ANK3: variants seen among roughly 807,000 people sequenced by gnomAD.
The protein encoded by ANK3 is ankyrin 3, also known as ankyrin-3.
ANK3 carries 57 observed loss-of-function variants against 370.9 expected under a neutral mutation model. The observed-to-expected ratio is 0.15, with a 90% CI of 0.12 to 0.19. The LOEUF (loss-of-function observed/expected upper bound fraction) is 0.19, where lower values mean the gene tolerates loss of function less well. ANK3 is among the 10% of genes least tolerant of loss of function. ANK3 has a pLI of 1.00. For missense variants in ANK3, 4,439 were observed against 5,302.1 expected (o/e 0.84, Z 5.06); for synonymous variants, 1,929 against 1,946.3 (o/e 0.99, Z 0.23).
At chr10:60,100,096 A>G (rs1345742456) in intron 28 of ANK3, among the ~76,000 whole-genome samples, 1 of 152,190 alleles carries the variant, frequency 6.6e-6, no homozygotes, top group Non-Finnish European at 1.5e-5. Context: ...TTTCATTTCT[A>G]AACTAGAATT....
chr10:60,104,357 C>CAAAAAA lies in ANK3; in HGVS notation c.3328+1542_3328+1547dup, dbSNP rs747064489. Among the ~76,000 whole-genome samples, 36 of 53,738 alleles carry CAAAAAA rather than the reference C, an allele frequency of 6.7e-4. 1 individual carries two copies. Among genetic ancestry groups the CAAAAAA allele is most frequent in the Non-Finnish European group, 9.9e-4 (29 of 29,424 alleles). The allele number at this position is 53,738 out of a possible 152,430, so 35.3% of individuals were successfully genotyped here. A position where few individuals can be genotyped will look rare whatever the true frequency, so the allele number is the denominator to read the frequency against. ...TGGGTGACAGAGTGAGACTCCATCTCAAAAAAAAAAAAAAAAAAAAAAAAA... is the reference window on the plus strand; with the variant it reads ...TGGGTGACAGAGTGAGACTCCATCTCAAAAAAAAAAAAAAAAAAAAAAAAAAAAAAA... On this transcript the variant is annotated intron_variant, in intron 28 of 43. Transcript: ENST00000280772.
rs2089296404 is a variant in ANK3 at position 60,093,615 on chromosome 10, C to G, written c.3329-5257G>C. On this transcript the variant is annotated intron_variant, in intron 28 of 43. Transcript: ENST00000280772. ...GAGGATTAAAAGTAGAAAGAAACAG[C>G]TATAACACCCCCGAAAACGATGACA... 5.9e-5 allele frequency among the ~76,000 whole-genome samples: 9 copies of G among 152,276 alleles called. No individual in the cohort carries two copies. The South Asian group carries it at 1.9e-3, about 32-fold the overall frequency.
At chr10:60,063,057 C>T (rs2080916530) in intron 40 of ANK3, 54 bp downstream of exon 40, 4 of 1,546,292 alleles carry the variant, frequency 2.6e-6, no homozygotes, top group Non-Finnish European at 3.5e-6. Flanking sequence ...TGTCTGACTG[C>T]ACTTTCAAAT....
At chr10:60,485,938 G>C (rs1359992541) in intron 2 of ANK3, among the ~76,000 whole-genome samples, 1 of 152,056 alleles carries the variant, frequency 6.6e-6, no homozygotes, top group African/African-American at 2.4e-5. Context: ...ATAGAAAGAT[G>C]ATGAATGAAT....
At chr10:60,246,368 T>C (rs373085790) in intron 7 of ANK3, among the ~76,000 whole-genome samples, 1 of 152,100 alleles carries the variant, frequency 6.6e-6, no homozygotes, top group East Asian at 1.9e-4. Context: ...ATAGGTCTTT[T>C]TAGACAAAGT....
At chr10:60,284,535 C>T (rs894711532) in intron 1 of ANK3, among the ~76,000 whole-genome samples, 1 of 152,172 alleles carries the variant, frequency 6.6e-6, no homozygotes, top group Non-Finnish European at 1.5e-5. Flanking sequence ...GGGCTTAATA[C>T]ATGTTTGGTC....
At chr10:60,598,080 A>G (rs1361978096) in intron 2 of ANK3, among the ~76,000 whole-genome samples, 1 of 152,224 alleles carries the variant, frequency 6.6e-6, no homozygotes, top group African/African-American at 2.4e-5. Context: ...AGGTTGTGAT[A>G]GAGAAATCCA....
chr10:60,497,079 G>T (rs2075677154), intron 2 of ANK3, among the ~76,000 whole-genome samples: 1 of 152,102 alleles, frequency 6.6e-6, no homozygotes, highest in South Asian at 2.1e-4. Flanking sequence ...AGATAGGAGG[G>T]TCACTTGAGC....
At chr10:60,230,008 T>C (rs1035088808) in intron 8 of ANK3, among the ~76,000 whole-genome samples, 1 of 152,172 alleles carries the variant, frequency 6.6e-6, no homozygotes, top group Non-Finnish European at 1.5e-5. Flanking sequence ...ATTCTGGCAA[T>C]GAGAGTATTG....
intron 2 of ANK3, among the ~76,000 whole-genome samples, chr10:60,410,424 GT>G (rs2063535884): frequency 6.6e-6 from 1 of 152,204 alleles, no homozygotes; most frequent in Admixed American, 6.5e-5. Context: ...AGCTTAGAGT[GT>G]TTGATACTTA....
In ANK3 at chr10:60,105,558, T is replaced by A. The variant is rs76923937; in HGVS notation, c.3328+347A>T. Among the ~76,000 whole-genome samples, 45 of 152,320 alleles carry A rather than the reference T, an allele frequency of 3.0e-4. No individual in the cohort carries two copies. In the East Asian group the frequency reaches 8.3e-3, roughly 28 times the overall value. On this transcript the variant is annotated intron_variant, in intron 28 of 43. Coordinates refer to ENST00000280772, the MANE Select transcript of ANK3 (RefSeq NM_020987.5). ...ATTCCAAAAATAAAATGTGAACATA[T>A]TTTCTTCAAAATGCTCAGCATGCCT...
chr10:60,690,786 C>T (rs2079341200), intron 1 of ANK3, among the ~76,000 whole-genome samples: 1 of 152,186 alleles, frequency 6.6e-6, no homozygotes, highest in Non-Finnish European at 1.5e-5. Flanking sequence ...GCTACGCACT[C>T]AGAAGTCTTC....
intron 25 of ANK3, among the ~76,000 whole-genome samples, chr10:60,118,461 A>C (rs1207140831): frequency 6.6e-6 from 1 of 152,184 alleles, no homozygotes; most frequent in East Asian, 1.9e-4. Flanking sequence ...GAATCTACGG[A>C]ACCAAGATTC....
chr10:60,182,868 G>A (rs2096236139), intron 17 of ANK3, among the ~76,000 whole-genome samples: 1 of 152,186 alleles, frequency 6.6e-6, no homozygotes, highest in Admixed American at 6.5e-5. Flanking sequence ...ATAAGCCAGA[G>A]CCAAAATTGG....
chr10:60,501,526 G>A (rs964847204), intron 2 of ANK3, among the ~76,000 whole-genome samples: 3 of 151,992 alleles, frequency 2.0e-5, no homozygotes, highest in African/African-American at 7.2e-5. Context: ...CCATGATGGA[G>A]AAACCCTGTT....
chr10:60,079,495 G>A (rs2084675217), intron 36 of ANK3, among the ~76,000 whole-genome samples: 1 of 152,116 alleles, frequency 6.6e-6, no homozygotes, highest in South Asian at 2.1e-4. Context: ...ATGCTATGCT[G>A]TTGGCCCATA....
chr10:60,068,519 C>A (rs2082061897), intron 37 of ANK3, 118 bp downstream of exon 37: 1 of 1,087,864 alleles, frequency 9.2e-7, no homozygotes, highest in South Asian at 1.6e-5. Context: ...AGTCACTCCA[C>A]AGGCAATCAC....
At chr10:60,703,712 A>G (rs780397559) in intron 1 of ANK3, among the ~76,000 whole-genome samples, 1 of 152,206 alleles carries the variant, frequency 6.6e-6, no homozygotes, top group Non-Finnish European at 1.5e-5. Flanking sequence ...ACCACCTAGT[A>G]TAAAATATGT....
At chr10:60,525,996 G>T (rs2076461742) in intron 2 of ANK3, among the ~76,000 whole-genome samples, 1 of 152,022 alleles carries the variant, frequency 6.6e-6, no homozygotes, top group Admixed American at 6.6e-5. Flanking sequence ...GGATATTTGA[G>T]CCTTAAAAAA....
Sources: allele counts gnomAD v4.1 joint callset (sites outside exome capture counted in the v4.1 genomes callset), GRCh38; gene constraint gnomAD v4.1.1; transcripts MANE v1.5; gene names NCBI Gene and HGNC (gene_info 2026-07-23, HGNC 2026-07-21).